Variants in YIPF4 observed in about 807,000 individuals in gnomAD.
The protein encoded by YIPF4 is Yip1 domain family member 4.
YIPF4 carries 18 observed loss-of-function variants against 29.4 expected under a neutral mutation model. The observed-to-expected ratio is 0.61, with a 90% CI of 0.42 to 0.91. The LOEUF is 0.91. YIPF4 is among the 40% of genes least tolerant of loss of function. YIPF4 has a pLI of 0.00. For missense variants in YIPF4, 279 were observed against 282.7 expected, an observed-to-expected ratio of 0.99 and a Z score of 0.09; for synonymous variants, 115 against 104.7, an observed-to-expected ratio of 1.10 and a Z score of -0.60.
rs60916962 is a variant in YIPF4, at chr2:32,278,692, A to G, written c.79+458A>G. Among the ~76,000 whole-genome samples the G allele has an allele frequency of 8.9e-3, 1,357 of 152,264 alleles. 16 individuals carry two copies. Among genetic ancestry groups the G allele is most frequent in the African/African-American group, 0.031 (1,291 of 41,532 alleles). ...GTCTGGGATCAGATTCGGCACTGCA[A>G]ATACAAACTAAATGGTTTTTATTGA... On this transcript the variant is annotated intron_variant, in intron 1 of 5. Transcript: ENST00000238831.
intron 3 of YIPF4, among the ~76,000 whole-genome samples, chr2:32,293,688 C>T (rs2031022095): frequency 6.6e-6 from 1 of 152,108 alleles, no homozygotes; most frequent in African/African-American, 2.4e-5. Context: ...CACCCCTCAC[C>T]TCCCGGAAGG....
chr2:32,307,019 T>G lies in YIPF4; in HGVS notation c.*1393T>G. 2 of 919,772 alleles carry G rather than the reference T, an allele frequency of 2.2e-6. No homozygotes were observed. Among genetic ancestry groups the G allele is most frequent in the East Asian group, 7.3e-5 (1 of 13,670 alleles). The allele number at this position is 919,772 out of a possible 1,614,324, so 57.0% of individuals were successfully genotyped here. A position where few individuals can be genotyped will look rare whatever the true frequency, so the allele number is the denominator to read the frequency against. On this transcript the variant is annotated 3_prime_UTR_variant, in exon 6 of 6. Coordinates refer to ENST00000238831, the MANE Select transcript of YIPF4 (RefSeq NM_032312.4). Reference sequence around the variant, plus strand: ...ATCCCAAAAGGAAAGAAAGAAAAACTTATTTTAAGCTGCAGAAAAAGTGTG... The same window carrying G: ...ATCCCAAAAGGAAAGAAAGAAAAACGTATTTTAAGCTGCAGAAAAAGTGTG...
At position 32,308,388 on chromosome 2, in the gene YIPF4, T is replaced by C. The variant is rs1153122; in HGVS notation, c.*2762T>C. The C allele has an allele frequency of 0.72, 109,884 of 151,912 alleles. 40,920 individuals carry two copies. The highest frequency in any genetic ancestry group is 0.88 in the African/African-American group (36,451 of 41,486). The allele number at this position is 151,912 out of a possible 1,614,324, so 9.4% of individuals were successfully genotyped here. The stretch of plus-strand genomic sequence containing the variant: ...CCTCCCAAAGTGCCGGGATTACAGG[T>C]GTCAGCCACCGCACCAGGCCAGTTC... On this transcript the variant is annotated 3_prime_UTR_variant, in exon 6 of 6. Transcript: ENST00000238831.
Position 32,307,931 on chromosome 2 carries a change from A to ATC in YIPF4, c.*2305_*2306insTC, listed in dbSNP as rs2031630589. On this transcript the variant is annotated 3_prime_UTR_variant, in exon 6 of 6. Coordinates refer to ENST00000238831, the MANE Select transcript of YIPF4 (RefSeq NM_032312.4). ...GGGTAACAGAGCAAGACTCTCTCAAAAAAAAAAAAAAAAAAAAAAAAAACC... is the reference window on the plus strand; with the variant it reads ...GGGTAACAGAGCAAGACTCTCTCAAATCAAAAAAAAAAAAAAAAAAAAAAACC... The ATC allele has an allele frequency of 1.4e-5, 2 of 143,676 alleles. No individual in the cohort carries two copies. Among genetic ancestry groups the ATC allele is most frequent in the Non-Finnish European group, 3.0e-5 (2 of 66,108 alleles). 8.9% of individuals were successfully genotyped at this position (143,676 alleles called of 1,614,324 possible).
chr2:32,290,331 C>G, intron 1 of YIPF4, 152 bp from the exon 2 acceptor site: 2 of 436,270 alleles, frequency 4.6e-6, no homozygotes, highest in Non-Finnish European at 7.5e-6. Flanking sequence ...TTTTAGATGT[C>G]TGTCAACTAT....
At chr2:32,296,845 A>C (rs1477852832) in intron 3 of YIPF4, among the ~76,000 whole-genome samples, 1 of 152,228 alleles carries the variant, frequency 6.6e-6, no homozygotes, top group African/African-American at 2.4e-5. Flanking sequence ...ATCCATTGGT[A>C]GATCTTGCAT....
At chr2:32,290,178 A>G (rs1039371698) in intron 1 of YIPF4, among the ~76,000 whole-genome samples, 2 of 152,222 alleles carry the variant, frequency 1.3e-5, no homozygotes, top group African/African-American at 4.8e-5. Flanking sequence ...TGTATTTTGC[A>G]TATATTTTCC....
At chr2:32,287,883 C>T (rs1420929751) in intron 1 of YIPF4, among the ~76,000 whole-genome samples, 3 of 151,974 alleles carry the variant, frequency 2.0e-5, no homozygotes, top group Non-Finnish European at 4.4e-5. Flanking sequence ...ATTGTTTTTA[C>T]TTAGGAAATG....
intron 3 of YIPF4, among the ~76,000 whole-genome samples, chr2:32,294,493 G>C (rs62134046): frequency 1.4e-5 from 2 of 147,192 alleles, no homozygotes; most frequent in African/African-American, 5.1e-5. Flanking sequence ...GACGCTCCTC[G>C]CTTCCTAGAT....
intron 1 of YIPF4, among the ~76,000 whole-genome samples, 178 bp from the exon 2 acceptor site, chr2:32,290,305 T>C (rs1198001941): frequency 6.6e-6 from 1 of 152,206 alleles, no homozygotes; most frequent in East Asian, 1.9e-4. Flanking sequence ...TTTATTCTTA[T>C]AAAATAAATG....
intron 2 of YIPF4, 23 bp downstream of exon 2, chr2:32,290,659 ATT>A (rs764760597): frequency 5.3e-5 from 73 of 1,387,796 alleles, no homozygotes; most frequent in African/African-American, 1.5e-5. Context: ...AATAATATAT[ATT>A]TTTTGTTTTT....
intron 3 of YIPF4, among the ~76,000 whole-genome samples, chr2:32,295,069 A>G (rs1443415030): frequency 7.1e-6 from 1 of 140,636 alleles, no homozygotes; most frequent in East Asian, 2.2e-4. Flanking sequence ...GGGGAGGGGG[A>G]GGGCCATATT....
intron 3 of YIPF4, among the ~76,000 whole-genome samples, chr2:32,297,853 A>G (rs545940861): frequency 1.6e-4 from 25 of 152,296 alleles, no homozygotes; most frequent in African/African-American, 5.8e-4. Flanking sequence ...CATTACTTGA[A>G]TAAATATGTA....
rs2030207013 is a variant in YIPF4 at position 32,278,336 on chromosome 2, G to A, written c.79+102G>A. The A allele has an allele frequency of 2.5e-6, 3 of 1,187,634 alleles. No individual in the cohort carries two copies. The South Asian group carries it at 4.7e-5, about 19-fold the overall frequency. The allele number at this position is 1,187,634 out of a possible 1,614,324, so 73.6% of individuals were successfully genotyped here. A position where few individuals can be genotyped will look rare whatever the true frequency, so the allele number is the denominator to read the frequency against. On this transcript the variant is annotated intron_variant, in intron 1 of 5. Transcript: ENST00000238831. Reference sequence around the variant, plus strand: ...GGTGGTCGTGGCCGGGTGGGGACAGGCAGGAAGCTGACTGGTGACTGCAGC... The same window carrying A: ...GGTGGTCGTGGCCGGGTGGGGACAGACAGGAAGCTGACTGGTGACTGCAGC...
chr2:32,286,895 A>G (rs1573528214), intron 1 of YIPF4, among the ~76,000 whole-genome samples: 1 of 152,306 alleles, frequency 6.6e-6, no homozygotes, highest in East Asian at 1.9e-4. Flanking sequence ...CAGTTACAAG[A>G]TTATGCACAT....
At chr2:32,296,479 A>AG (rs906399242) in intron 3 of YIPF4, among the ~76,000 whole-genome samples, 2 of 151,994 alleles carry the variant, frequency 1.3e-5, no homozygotes, top group African/African-American at 4.8e-5. Flanking sequence ...TCAAAAAAAA[A>AG]AAAAAGGAAA....
Position 32,278,338 on chromosome 2 carries a change from A to G in YIPF4, c.79+104A>G, listed in dbSNP as rs1000733871. Reference sequence around the variant, plus strand: ...TGGTCGTGGCCGGGTGGGGACAGGCAGGAAGCTGACTGGTGACTGCAGCCC... The same window carrying G: ...TGGTCGTGGCCGGGTGGGGACAGGCGGGAAGCTGACTGGTGACTGCAGCCC... On this transcript the variant is annotated intron_variant, in intron 1 of 5. Transcript: ENST00000238831. 1.0e-5 allele frequency: 12 copies of G among 1,186,110 alleles called. No individual in the cohort carries two copies. The African/African-American group carries it at 1.6e-4, about 16-fold the overall frequency. 73.5% of individuals were successfully genotyped at this position (1,186,110 alleles called of 1,614,324 possible).
rs1411551133 is a variant in YIPF4, at chr2:32,314,578, C to G, written c.*8952C>G. On this transcript the variant is annotated 3_prime_UTR_variant, in exon 6 of 6. Transcript: ENST00000238831. ...ATCCCAGCTACTCTGGAGGCTGAGA[C>G]AGGAGAATCGCTTGAACCTGGGAGG... is the stretch of plus-strand genomic sequence containing the variant. 2.6e-5 allele frequency: 4 copies of G among 152,070 alleles called. No homozygotes were observed. Among genetic ancestry groups the G allele is most frequent in the African/African-American group, 9.7e-5 (4 of 41,398 alleles). 9.4% of individuals were successfully genotyped at this position (152,070 alleles called of 1,614,324 possible).
Position 32,313,187 on chromosome 2 carries a change from A to G in YIPF4, c.*7561A>G, listed in dbSNP as rs1232841337. On this transcript the variant is annotated 3_prime_UTR_variant, in exon 6 of 6. Transcript: ENST00000238831. ...TGCTTAAGCTGAAATCTTAGGGAAA[A>G]ATAAAAGTTAACTAGGCAAAGAAGG... The G allele has an allele frequency of 6.6e-6, 1 of 152,142 alleles. No homozygotes were observed. Among genetic ancestry groups the G allele is most frequent in the Non-Finnish European group, 1.5e-5 (1 of 68,032 alleles). The allele number at this position is 152,142 out of a possible 1,614,324, so 9.4% of individuals were successfully genotyped here. A position where few individuals can be genotyped will look rare whatever the true frequency, so the allele number is the denominator to read the frequency against.
Sources: allele counts gnomAD v4.1 joint callset (sites outside exome capture counted in the v4.1 genomes callset), GRCh38; gene constraint gnomAD v4.1.1; transcripts MANE v1.5; gene names NCBI Gene and HGNC (gene_info 2026-07-23, HGNC 2026-07-21).